RAP1A: variants seen among roughly 807,000 people sequenced by gnomAD.
The protein encoded by RAP1A is ras-related protein Rap-1A.
A neutral mutation model predicts 26.4 loss-of-function variants in RAP1A; 6 were observed. The ratio of observed to expected loss-of-function variants is 0.23; its 90% confidence interval spans 0.12 to 0.45. RAP1A has a LOEUF of 0.45. Ranked by LOEUF, RAP1A falls within the 20% of genes least tolerant of loss-of-function variation. The pLI, the probability that RAP1A is intolerant of heterozygous loss-of-function variation, is 0.99. For missense variants in RAP1A, 121 were observed against 217.2 expected, an observed-to-expected ratio of 0.56 and a Z score of 2.78; for synonymous variants, 73 against 79.4, an observed-to-expected ratio of 0.92 and a Z score of 0.43.
intron 1 of RAP1A, among the ~76,000 whole-genome samples, chr1:111,575,953 A>G (rs1365967573): frequency 2.0e-5 from 3 of 152,218 alleles, no homozygotes; most frequent in Non-Finnish European, 4.4e-5. Context: ...TATATAATAC[A>G]CACAAAAACA....
intron 1 of RAP1A, among the ~76,000 whole-genome samples, chr1:111,651,179 T>C (rs994385616): frequency 3.3e-5 from 5 of 152,200 alleles, no homozygotes; most frequent in Non-Finnish European, 7.3e-5. Context: ...TTGCTTGTTT[T>C]GGCTATATAT....
intron 1 of RAP1A, among the ~76,000 whole-genome samples, chr1:111,554,040 C>A (rs9988442): frequency 2.6e-5 from 4 of 152,220 alleles, no homozygotes; most frequent in African/African-American, 4.8e-5. Context: ...GGAATGGTTA[C>A]GTGCATATGC....
intron 1 of RAP1A, among the ~76,000 whole-genome samples, chr1:111,561,425 A>G (rs1033364810): frequency 2.0e-5 from 3 of 152,182 alleles, no homozygotes; most frequent in African/African-American, 7.2e-5. Context: ...CCCAGCTCCA[A>G]TCATTAATTT....
chr1:111,639,228 T>A (rs1659818312), intron 1 of RAP1A, among the ~76,000 whole-genome samples: 1 of 152,196 alleles, frequency 6.6e-6, no homozygotes, highest in Non-Finnish European at 1.5e-5. Flanking sequence ...ACTTATACCT[T>A]CAGAGTTATA....
chr1:111,701,464 A>G (rs1662019147), intron 4 of RAP1A, among the ~76,000 whole-genome samples: 1 of 152,122 alleles, frequency 6.6e-6, no homozygotes, highest in Non-Finnish European at 1.5e-5. Flanking sequence ...TCTCTATAAC[A>G]TTTATTACCA....
chr1:111,645,399 A>G (rs1387745872), intron 1 of RAP1A, among the ~76,000 whole-genome samples: 1 of 152,212 alleles, frequency 6.6e-6, no homozygotes, highest in Non-Finnish European at 1.5e-5. Context: ...AGAGATTGGT[A>G]AAAGGATTGA....
In RAP1A at chr1:111,643,013, G is replaced by C. The variant is rs552977605; in HGVS notation, c.-28+23079G>C. 1.0e-3 allele frequency among the ~76,000 whole-genome samples: 152 copies of C among 148,798 alleles called. 1 individual carries two copies. Among genetic ancestry groups the C allele is most frequent in the South Asian group, 4.7e-3 (22 of 4,670 alleles). The stretch of plus-strand genomic sequence containing the variant: ...TCTCAAACTCCTGATCTTGTGATCT[G>C]CCCACCTCAGCCTCCCAAAGTGCTG... On this transcript the variant is annotated intron_variant, in intron 1 of 7. Coordinates refer to ENST00000369709, the MANE Select transcript of RAP1A (RefSeq NM_002884.4).
At chr1:111,622,494 G>C (rs1267763726) in intron 1 of RAP1A, among the ~76,000 whole-genome samples, 1 of 151,872 alleles carries the variant, frequency 6.6e-6, no homozygotes, top group Non-Finnish European at 1.5e-5. Flanking sequence ...ACTTCTTCAG[G>C]TCTCTGCACC....
At chr1:111,603,472 T>C (rs1658709146) in intron 1 of RAP1A, among the ~76,000 whole-genome samples, 1 of 152,200 alleles carries the variant, frequency 6.6e-6, no homozygotes, top group African/African-American at 2.4e-5. Flanking sequence ...AGGTGCCAAG[T>C]TTGGCAGAGC....
chr1:111,703,510 C>A, intron 5 of RAP1A, 34 bp downstream of exon 5: 2 of 1,506,922 alleles, frequency 1.3e-6, no homozygotes, highest in Admixed American at 2.1e-5. Context: ...GATGTTATGC[C>A]ATCTCTCTGT....
intron 1 of RAP1A, among the ~76,000 whole-genome samples, chr1:111,623,737 G>C (rs756222039): frequency 2.0e-5 from 3 of 152,126 alleles, no homozygotes; most frequent in Non-Finnish European, 2.9e-5. Flanking sequence ...ATTTTATTTG[G>C]TTTATAGGGG....
At chr1:111,662,371 G>A (rs1376857384) in intron 1 of RAP1A, among the ~76,000 whole-genome samples, 1 of 144,314 alleles carries the variant, frequency 6.9e-6, no homozygotes, top group African/African-American at 2.6e-5. Context: ...TTCAGGCTTG[G>A]GCGAAAGAGC....
rs553428263 is a variant in RAP1A at position 111,697,854 on chromosome 1, T to C, written c.183+357T>C. The stretch of plus-strand genomic sequence containing the variant: ...TTGGCACCATAGTCATTAATTTTTA[T>C]AATTTTTTCTTTTCACTAGCATTTT... On this transcript the variant is annotated intron_variant, in intron 4 of 7. Transcript: ENST00000369709. 3.3e-5 allele frequency among the ~76,000 whole-genome samples: 5 copies of C among 152,296 alleles called. No homozygotes were observed. The East Asian group carries it at 9.6e-4, about 29-fold the overall frequency.
At chr1:111,590,359 G>A (rs1658447701) in intron 1 of RAP1A, among the ~76,000 whole-genome samples, 1 of 152,128 alleles carries the variant, frequency 6.6e-6, no homozygotes, top group South Asian at 2.1e-4. Context: ...CTTAAAGAAT[G>A]CTTCTAACAA....
chr1:111,586,275 A>T (rs76375807), intron 1 of RAP1A, among the ~76,000 whole-genome samples: 3,166 of 152,326 alleles, frequency 0.021, 91 homozygotes, highest in African/African-American at 0.072. Context: ...AAGTCGTGAC[A>T]ACATGAACAG....
At chr1:111,690,241 T>G (rs1439518541) in intron 1 of RAP1A, among the ~76,000 whole-genome samples, 1 of 152,216 alleles carries the variant, frequency 6.6e-6, no homozygotes, top group Non-Finnish European at 1.5e-5. Context: ...TTTTGAGGTT[T>G]CTACTGAATT....
intron 1 of RAP1A, among the ~76,000 whole-genome samples, chr1:111,665,625 C>T (rs534208713): frequency 2.6e-5 from 4 of 152,258 alleles, no homozygotes; most frequent in African/African-American, 9.6e-5. Flanking sequence ...CTTTCATTTC[C>T]ATTTCACTTA....
intron 1 of RAP1A, among the ~76,000 whole-genome samples, chr1:111,678,511 AAT>A (rs1661196590): frequency 6.6e-6 from 1 of 152,228 alleles, no homozygotes; most frequent in Non-Finnish European, 1.5e-5. Flanking sequence ...TACTTACACA[AAT>A]CTGGATGTAT....
intron 1 of RAP1A, chr1:111,680,737 C>G (rs1661264543): frequency 6.5e-6 from 1 of 152,934 alleles, no homozygotes; most frequent in African/African-American, 2.4e-5. Context: ...CCCAGGCAAA[C>G]AGGGTCTGGA....
Sources: gnomAD v4.1 joint callset for allele counts (sites outside exome capture counted in the v4.1 genomes callset) on GRCh38, gnomAD v4.1.1 for gene constraint, MANE v1.5 for transcripts, NCBI Gene and HGNC (gene_info 2026-07-23, HGNC 2026-07-21) for gene names.